PIP5K1B: variants seen among roughly 807,000 people sequenced by gnomAD.
PIP5K1B encodes phosphatidylinositol 4-phosphate 5-kinase type-1 beta.
PIP5K1B carries 42 observed loss-of-function variants against 67.0 expected under a neutral mutation model. The ratio of observed to expected loss-of-function variants is 0.63; its 90% CI spans 0.49 to 0.81. PIP5K1B has a LOEUF of 0.81. Among genes scored for constraint, PIP5K1B ranks in the 30% least tolerant of loss-of-function variants. The probability of loss-of-function intolerance (pLI) is 0.00; values close to 1 mark genes in which losing one functional copy is unlikely to be tolerated. For synonymous variants in PIP5K1B, 214 were observed against 231.4 expected (o/e 0.92, Z 0.68); for missense variants, 459 against 646.3 (o/e 0.71, Z 3.14).
chr9:68,910,156 C>T (rs1244548099), intron 8 of PIP5K1B, among the ~76,000 whole-genome samples: 1 of 152,180 alleles, frequency 6.6e-6, no homozygotes, highest in Non-Finnish European at 1.5e-5. Flanking sequence ...ATGTGATAGT[C>T]TTACTAGACT....
intron 14 of PIP5K1B, among the ~76,000 whole-genome samples, chr9:68,951,183 A>G (rs1190910195): frequency 6.6e-6 from 1 of 152,224 alleles, no homozygotes; most frequent in Admixed American, 6.5e-5. Context: ...AATGGAGCTC[A>G]TTATTTTTCC....
At chr9:68,908,798 A>T (rs1305258873) in intron 8 of PIP5K1B, among the ~76,000 whole-genome samples, 1 of 152,220 alleles carries the variant, frequency 6.6e-6, no homozygotes, top group African/African-American at 2.4e-5. Context: ...GTCTATTTGC[A>T]TAAAATCTCC....
chr9:68,705,651 T>TCC lies in PIP5K1B; in HGVS notation c.-353_-352insCC, dbSNP rs1827089997. On this transcript the variant is annotated 5_prime_UTR_variant, in exon 1 of 16. Coordinates refer to ENST00000265382, the MANE Select transcript of PIP5K1B (RefSeq NM_003558.4). Reference sequence around the variant, plus strand: ...CCGCCCCTCCCGCCCCTCCCGCCCCTCGCCTGCACTGCTCTCCCTTCGCTG... The same window carrying TCC: ...CCGCCCCTCCCGCCCCTCCCGCCCCTCCCGCCTGCACTGCTCTCCCTTCGCTG... 1.6e-5 allele frequency: 1 copy of TCC among 63,480 alleles called. No individual in the cohort carries two copies. Among genetic ancestry groups the TCC allele is most frequent in the Non-Finnish European group, 3.2e-5 (1 of 31,594 alleles). 3.9% of individuals were successfully genotyped at this position (63,480 alleles called of 1,614,324 possible). A position where few individuals can be genotyped will look rare whatever the true frequency, so the allele number is the denominator to read the frequency against.
In PIP5K1B at chr9:68,876,783, G is replaced by A; in HGVS notation, c.307G>A (p.Asp103Asn). 1 of 1,481,738 alleles carries A rather than the reference G, an allele frequency of 6.7e-7. No individual in the cohort carries two copies. Among genetic ancestry groups the A allele is most frequent in the Non-Finnish European group, 9.4e-7 (1 of 1,059,204 alleles). The allele number at this position is 1,481,738 out of a possible 1,614,324, so 91.8% of individuals were successfully genotyped here. The change falls in exon 6 of 16, where the codon GAT (aspartate) becomes AAT (asparagine). Residue 103 changes from aspartate (D) to asparagine (N), a missense_variant. Physicochemically the swap from Asp to Asn is conservative, Grantham distance 23. Around this residue, in one of 2 missense-constraint regions of PIP5K1B, gnomAD observed 290 missense variants for 474.4 expected, o/e 0.61. Coordinates refer to ENST00000265382, the MANE Select transcript of PIP5K1B (RefSeq NM_003558.4). ...YFRELFGIKP[D>N]DYLYSICSEP... ...CAGAGAACTTTTTGGTATCAAGCCTGATGATTACTTGGTAAGAACCTGTCA... is the reference window on the plus strand; with the variant it reads ...CAGAGAACTTTTTGGTATCAAGCCTAATGATTACTTGGTAAGAACCTGTCA...
Position 68,971,392 on chromosome 9 carries a change from C to A in PIP5K1B, c.1503-19748C>A, listed in dbSNP as rs531397311. On this transcript the variant is annotated intron_variant, in intron 14 of 15. Transcript: ENST00000265382. ...ACCACATTTTCTTTATCTAGTCTAT[C>A]ATTGATGGGCATTTCGGTTGGTTCC... is the stretch of plus-strand genomic sequence containing the variant. 2.0e-5 allele frequency among the ~76,000 whole-genome samples: 3 copies of A among 152,256 alleles called. No homozygotes were observed. In the South Asian group the frequency reaches 6.2e-4, roughly 32 times the overall value.
chr9:68,974,318 C>G (rs1405773804), intron 14 of PIP5K1B, among the ~76,000 whole-genome samples: 1 of 152,208 alleles, frequency 6.6e-6, no homozygotes, highest in African/African-American at 2.4e-5. Flanking sequence ...TCACCTGCTT[C>G]AGAAACAAGT....
intron 14 of PIP5K1B, among the ~76,000 whole-genome samples, chr9:68,967,034 A>G (rs574283306): frequency 6.0e-4 from 91 of 152,338 alleles, no homozygotes; most frequent in South Asian, 8.3e-4. Flanking sequence ...CCCAATCCAT[A>G]TAAGGTTGAA....
intron 1 of PIP5K1B, among the ~76,000 whole-genome samples, chr9:68,724,137 C>G (rs1311167746): frequency 1.3e-5 from 2 of 151,856 alleles, no homozygotes; most frequent in African/African-American, 4.8e-5. Context: ...TGTCCTTTCC[C>G]CAGTGTATGT....
At chr9:68,721,145 G>A (rs1363206994) in intron 1 of PIP5K1B, among the ~76,000 whole-genome samples, 1 of 152,192 alleles carries the variant, frequency 6.6e-6, no homozygotes. Context: ...GTGCTAAGGA[G>A]TTTGAACATT....
chr9:68,828,918 A>G (rs992415043), intron 4 of PIP5K1B, among the ~76,000 whole-genome samples: 6 of 152,014 alleles, frequency 3.9e-5, no homozygotes, highest in African/African-American at 1.4e-4. Flanking sequence ...CCTGGCCAAC[A>G]TGGTGAAACC....
intron 2 of PIP5K1B, among the ~76,000 whole-genome samples, chr9:68,746,238 C>G (rs1056827682): frequency 2.0e-5 from 3 of 151,936 alleles, no homozygotes; most frequent in African/African-American, 7.3e-5. Context: ...ATCACCATGC[C>G]TGGCTAATTT....
chr9:68,762,434 G>A (rs1830227717), intron 2 of PIP5K1B, among the ~76,000 whole-genome samples: 1 of 152,012 alleles, frequency 6.6e-6, no homozygotes, highest in South Asian at 2.1e-4. Context: ...GTCCACTCTT[G>A]GGTAGATTTG....
intron 5 of PIP5K1B, among the ~76,000 whole-genome samples, chr9:68,875,620 T>C (rs553288039): frequency 3.2e-4 from 48 of 152,344 alleles, no homozygotes; most frequent in Non-Finnish European, 5.4e-4. Context: ...GTGTTTATTC[T>C]GTGCTGAAAG....
chr9:68,846,055 A>C (rs1822177086), intron 4 of PIP5K1B, among the ~76,000 whole-genome samples: 1 of 152,208 alleles, frequency 6.6e-6, no homozygotes. Flanking sequence ...GTGAGAAATA[A>C]ATGTTGCAAA....
intron 4 of PIP5K1B, among the ~76,000 whole-genome samples, chr9:68,836,752 A>G (rs932906093): frequency 6.6e-6 from 1 of 152,134 alleles, no homozygotes; most frequent in Non-Finnish European, 1.5e-5. Flanking sequence ...ACACTTTATG[A>G]TAAAGCTCCT....
intron 2 of PIP5K1B, among the ~76,000 whole-genome samples, chr9:68,785,347 A>G (rs1199496649): frequency 6.6e-6 from 1 of 152,176 alleles, no homozygotes; most frequent in African/African-American, 2.4e-5. Context: ...CTCTCACTCC[A>G]GCAGTTTTGC....
intron 8 of PIP5K1B, among the ~76,000 whole-genome samples, chr9:68,906,128 C>G (rs1825599545): frequency 6.6e-6 from 1 of 152,182 alleles, no homozygotes; most frequent in Admixed American, 6.5e-5. Flanking sequence ...AAGCGATCCT[C>G]CCAACTTAGC....
chr9:68,726,001 A>T (rs754396229), intron 1 of PIP5K1B, among the ~76,000 whole-genome samples: 3 of 152,204 alleles, frequency 2.0e-5, no homozygotes, highest in Non-Finnish European at 4.4e-5. Context: ...AGCTCCTAGA[A>T]GTCACCCAGA....
intron 4 of PIP5K1B, among the ~76,000 whole-genome samples, chr9:68,851,846 C>T (rs1822501999): frequency 6.6e-6 from 1 of 152,212 alleles, no homozygotes; most frequent in South Asian, 2.1e-4. Context: ...ACAGCTGGGT[C>T]TGGAAAGCAG....
Sources: gnomAD v4.1 joint callset for allele counts (sites outside exome capture counted in the v4.1 genomes callset) on GRCh38, gnomAD v4.1.1 for gene constraint, gnomAD v4.1.1 regional missense constraint, MANE v1.5 for transcripts, NCBI Gene and HGNC (gene_info 2026-07-23, HGNC 2026-07-21) for gene names.